ADGRL3: variants seen among roughly 807,000 people sequenced by gnomAD.
The protein encoded by ADGRL3 is adhesion G protein-coupled receptor L3.
A neutral mutation model predicts 153.5 loss-of-function variants in ADGRL3; 62 were observed. That is an observed-to-expected ratio of 0.40 (90% CI 0.33 to 0.50). ADGRL3 has a LOEUF of 0.50. Among genes scored for constraint, ADGRL3 ranks in the 20% least tolerant of loss-of-function variants. The pLI is 0.47. For synonymous variants in ADGRL3, 710 were observed against 672.5 expected (o/e 1.06, Z -0.86); for missense variants, 1,641 against 1,859.4 (o/e 0.88, Z 2.16).
chr4:61,846,988 G>GTATATATGTA (rs1554045755), intron 9 of ADGRL3, among the ~76,000 whole-genome samples: 1 of 149,450 alleles, frequency 6.7e-6, no homozygotes, highest in African/African-American at 2.5e-5. Context: ...ATGTATATAT[G>GTATATATGTA]TATATATATA....
chr4:61,433,658 T>G (rs139017730), intron 2 of ADGRL3, among the ~76,000 whole-genome samples: 1,655 of 152,308 alleles, frequency 0.011, 25 homozygotes, highest in African/African-American at 0.038. Context: ...AGTTGACTCT[T>G]AACATTTCTC....
rs895017384 is a variant in ADGRL3, at chr4:61,584,275, A to G, written c.260-2952A>G. Among the ~76,000 whole-genome samples, 9 of 152,102 alleles carry G rather than the reference A, an allele frequency of 5.9e-5. No homozygotes were observed. In the East Asian group the frequency reaches 1.7e-3, roughly 30 times the overall value. Reference sequence around the variant, plus strand: ...CTGGGTTACTGATGATATAAATGCAATTATACATTCAATGGAAGAAAGCAT... The same window carrying G: ...CTGGGTTACTGATGATATAAATGCAGTTATACATTCAATGGAAGAAAGCAT... On this transcript the variant is annotated intron_variant, in intron 4 of 26. Transcript: ENST00000683033.
chr4:61,673,215 G>A (rs2095066475), intron 5 of ADGRL3, among the ~76,000 whole-genome samples: 2 of 151,742 alleles, frequency 1.3e-5, no homozygotes, highest in Admixed American at 6.6e-5. Context: ...GATCAAAGGG[G>A]GCAAAGTTTC....
At chr4:61,676,291 A>G (rs1376330391) in intron 5 of ADGRL3, among the ~76,000 whole-genome samples, 1 of 151,984 alleles carries the variant, frequency 6.6e-6, no homozygotes, top group Non-Finnish European at 1.5e-5. Context: ...ATTTTTACAA[A>G]ATAAATTCAA....
At chr4:61,704,281 G>C (rs537267424) in intron 6 of ADGRL3, among the ~76,000 whole-genome samples, 1 of 152,100 alleles carries the variant, frequency 6.6e-6, no homozygotes, top group Non-Finnish European at 1.5e-5. Context: ...CAGAGATATT[G>C]CTGGTTTAGT....
intron 4 of ADGRL3, among the ~76,000 whole-genome samples, chr4:61,537,986 G>A (rs896902848): frequency 7.9e-5 from 12 of 151,982 alleles, no homozygotes; most frequent in Non-Finnish European, 1.3e-4. Flanking sequence ...TCATTTTGGT[G>A]AGGATTCATT....
intron 4 of ADGRL3, among the ~76,000 whole-genome samples, chr4:61,550,729 G>T (rs1018763046): frequency 1.3e-5 from 2 of 151,946 alleles, no homozygotes; most frequent in South Asian, 2.1e-4. Context: ...AGTCAAGGGG[G>T]TAGCAAAGGA....
chr4:61,886,116 T>C (rs1209993433), intron 9 of ADGRL3, among the ~76,000 whole-genome samples: 1 of 152,078 alleles, frequency 6.6e-6, no homozygotes, highest in African/African-American at 2.4e-5. Context: ...GTCTGTGGAG[T>C]TTCACTATCT....
intron 1 of ADGRL3, among the ~76,000 whole-genome samples, chr4:61,213,734 G>A (rs540807714): frequency 1.2e-4 from 18 of 151,986 alleles, no homozygotes; most frequent in South Asian, 2.1e-4. Context: ...AAAATATTTC[G>A]TAATGTAGAC....
At chr4:61,590,720 G>A (rs375994725) in intron 5 of ADGRL3, among the ~76,000 whole-genome samples, 2 of 152,176 alleles carry the variant, frequency 1.3e-5, no homozygotes, top group African/African-American at 2.4e-5. Context: ...AAGGAAGAAG[G>A]CTCTTTCAGC....
At chr4:61,591,386 A>G (rs1303358443) in intron 5 of ADGRL3, among the ~76,000 whole-genome samples, 2 of 152,094 alleles carry the variant, frequency 1.3e-5, no homozygotes, top group African/African-American at 4.8e-5. Context: ...CATGCCAATT[A>G]CTGTTCATCC....
In ADGRL3 at chr4:61,713,238, AT is replaced by A. The variant is rs572661487; in HGVS notation, c.584-17380del. On this transcript the variant is annotated intron_variant, in intron 6 of 26. Transcript: ENST00000683033. ...TGCTCATTTCCTGCAATAAGAAGAC[AT>A]TTTGGAGCCGGTTATGCTTGTGTGA... Among the ~76,000 whole-genome samples, 439 of 152,156 alleles carry A rather than the reference AT, an allele frequency of 2.9e-3. 1 individual carries two copies. Among genetic ancestry groups the A allele is most frequent in the Admixed American group, 4.5e-3 (69 of 15,256 alleles).
intron 2 of ADGRL3, chr4:61,385,609 T>C (rs1199227925): frequency 1.3e-5 from 2 of 152,156 alleles, no homozygotes. Context: ...TCAGGAACTC[T>C]CAAAATGTGC....
At chr4:61,393,987 A>G (rs2096842175) in intron 2 of ADGRL3, among the ~76,000 whole-genome samples, 1 of 152,080 alleles carries the variant, frequency 6.6e-6, no homozygotes, top group African/African-American at 2.4e-5. Context: ...CTCTAATAGG[A>G]ACATGAGGAA....
chr4:61,262,770 C>T (rs540922353), intron 1 of ADGRL3, among the ~76,000 whole-genome samples: 83 of 152,220 alleles, frequency 5.5e-4, no homozygotes, highest in African/African-American at 1.6e-3. Flanking sequence ...CAACTTACCA[C>T]GGAATCACAG....
chr4:62,023,540 G>A (rs1245180712), intron 21 of ADGRL3, among the ~76,000 whole-genome samples: 1 of 152,108 alleles, frequency 6.6e-6, no homozygotes, highest in Non-Finnish European at 1.5e-5. Context: ...AGGAAAGGAA[G>A]AGTTAATCGA....
At chr4:61,674,658 C>A (rs2095126182) in intron 5 of ADGRL3, among the ~76,000 whole-genome samples, 1 of 151,700 alleles carries the variant, frequency 6.6e-6, no homozygotes, top group African/African-American at 2.4e-5. Flanking sequence ...GCTAATTTTT[C>A]TATAACAAAT....
In ADGRL3 at chr4:61,587,221, T is replaced by C. The variant is rs1242912036; in HGVS notation, c.260-6T>C. On this transcript the variant is annotated splice_polypyrimidine_tract_variant and splice_region_variant and intron_variant, in intron 4 of 26. Coordinates refer to ENST00000683033, the MANE Select transcript of ADGRL3 (RefSeq NM_001387552.1). ...GCATCTCTTTTCTTCCTCTTCCTTTTGGCAGCTTTCAGCCGTGCCCCAATT... is the reference window on the plus strand; with the variant it reads ...GCATCTCTTTTCTTCCTCTTCCTTTCGGCAGCTTTCAGCCGTGCCCCAATT... 1.9e-6 allele frequency: 3 copies of C among 1,592,540 alleles called. No individual in the cohort carries two copies. Among genetic ancestry groups the C allele is most frequent in the Non-Finnish European group, 2.6e-6 (3 of 1,167,902 alleles).
intron 2 of ADGRL3, among the ~76,000 whole-genome samples, chr4:61,448,274 T>A (rs2097612229): frequency 6.6e-6 from 1 of 151,866 alleles, no homozygotes; most frequent in Non-Finnish European, 1.5e-5. Flanking sequence ...ATACACTTGC[T>A]AAAAAAAATT....
Sources: gnomAD v4.1 joint callset for allele counts (sites outside exome capture counted in the v4.1 genomes callset) on GRCh38, gnomAD v4.1.1 for gene constraint, MANE v1.5 for transcripts, NCBI Gene and HGNC (gene_info 2026-07-23, HGNC 2026-07-21) for gene names.